Variants in NRG1 observed in about 807,000 individuals in gnomAD.
NRG1 encodes neuregulin 1.
A neutral mutation model predicts 63.8 loss-of-function variants in NRG1; 18 were observed. The ratio of observed to expected loss-of-function variants is 0.28; its 90% CI spans 0.19 to 0.42. The LOEUF (loss-of-function observed/expected upper bound fraction) is 0.42, where lower values mean the gene tolerates loss of function less well. NRG1 is among the 10% of genes least tolerant of loss of function. NRG1 has a pLI of 1.00. For missense variants in NRG1, 762 were observed against 814.7 expected (o/e 0.94, Z 0.79); for synonymous variants, 302 against 301.3 (o/e 1.00, Z -0.02).
intron 1 of NRG1, among the ~76,000 whole-genome samples, chr8:32,557,391 T>C (rs1195877530): frequency 1.3e-5 from 2 of 152,216 alleles, no homozygotes; most frequent in Admixed American, 1.3e-4. Flanking sequence ...CAGGGTGAAA[T>C]GGAAGTACAG....
chr8:32,181,908 T>C (rs1007022028), intron 1 of NRG1, among the ~76,000 whole-genome samples: 26 of 152,216 alleles, frequency 1.7e-4, no homozygotes, highest in Non-Finnish European at 2.9e-4. Context: ...GCTGGGAGAT[T>C]ATAAATAACC....
chr8:32,509,013 G>A (rs761951300), intron 1 of NRG1, among the ~76,000 whole-genome samples: 19 of 152,052 alleles, frequency 1.2e-4, no homozygotes, highest in Non-Finnish European at 2.6e-4. Flanking sequence ...GGGATCACAG[G>A]TATGAGCCAC....
chr8:32,437,861 G>GA (rs1818985376), intron 1 of NRG1, among the ~76,000 whole-genome samples: 1 of 152,000 alleles, frequency 6.6e-6, no homozygotes, highest in Admixed American at 6.6e-5. Flanking sequence ...ATGCCTCTCA[G>GA]CAAAAAGATA....
intron 1 of NRG1, among the ~76,000 whole-genome samples, chr8:32,345,966 C>A (rs1804837185): frequency 6.6e-6 from 1 of 151,310 alleles, no homozygotes. Flanking sequence ...CAAGATGGCA[C>A]CACTGTACTC....
chr8:32,369,593 A>G (rs1563370977), intron 1 of NRG1, among the ~76,000 whole-genome samples: 1 of 152,218 alleles, frequency 6.6e-6, no homozygotes, highest in Non-Finnish European at 1.5e-5. Flanking sequence ...AGGCATCTCA[A>G]GAGAGCAGTG....
intron 1 of NRG1, among the ~76,000 whole-genome samples, chr8:32,183,027 T>A (rs1356315414): frequency 1.3e-5 from 2 of 152,230 alleles, no homozygotes; most frequent in African/African-American, 2.4e-5. Context: ...AAAAGAATTA[T>A]AATTATCAAC....
At chr8:32,518,904 T>G (rs576392755) in intron 1 of NRG1, among the ~76,000 whole-genome samples, 95 of 152,288 alleles carry the variant, frequency 6.2e-4, no homozygotes, top group African/African-American at 2.2e-3. Context: ...TTCAGGAGCA[T>G]TAACTAGTAG....
intron 1 of NRG1, among the ~76,000 whole-genome samples, chr8:32,461,856 C>T (rs1259546578): frequency 1.3e-5 from 2 of 152,106 alleles, no homozygotes; most frequent in African/African-American, 4.8e-5. Flanking sequence ...AATAGAATAG[C>T]CTTAGATATC....
intron 1 of NRG1, among the ~76,000 whole-genome samples, chr8:32,332,625 G>A (rs1802787717): frequency 6.6e-6 from 1 of 152,172 alleles, no homozygotes; most frequent in Admixed American, 6.6e-5. Flanking sequence ...TTCTATGAGA[G>A]CAGTCTATTA....
At chr8:31,653,192 T>A (rs1009777067) in intron 1 of NRG1, among the ~76,000 whole-genome samples, 1 of 152,024 alleles carries the variant, frequency 6.6e-6, no homozygotes, top group Non-Finnish European at 1.5e-5. Flanking sequence ...AAAGTTTCTA[T>A]AATGAATGCA....
intron 1 of NRG1, among the ~76,000 whole-genome samples, chr8:32,178,066 TAGG>T (rs965385936): frequency 6.6e-6 from 1 of 151,696 alleles, no homozygotes; most frequent in Non-Finnish European, 1.5e-5. Flanking sequence ...GGGGGAAGCA[TAGG>T]AGAAGAAATA....
intron 1 of NRG1, among the ~76,000 whole-genome samples, chr8:31,953,505 G>T (rs1803827607): frequency 6.6e-6 from 1 of 152,162 alleles, no homozygotes; most frequent in Non-Finnish European, 1.5e-5. Flanking sequence ...TTATCAAAAT[G>T]TAGACACGAA....
At chr8:32,216,985 G>T (rs1196329380) in intron 1 of NRG1, among the ~76,000 whole-genome samples, 1 of 151,930 alleles carries the variant, frequency 6.6e-6, no homozygotes, top group Admixed American at 6.6e-5. Flanking sequence ...GACCAAGGCG[G>T]GAGGATCTCT....
intron 1 of NRG1, among the ~76,000 whole-genome samples, chr8:32,494,563 C>T (rs1826973034): frequency 6.6e-6 from 1 of 152,006 alleles, no homozygotes. Flanking sequence ...AATTCTGTAG[C>T]AATCAGCCAT....
At chr8:32,407,902 A>G (rs1284146921) in intron 1 of NRG1, among the ~76,000 whole-genome samples, 47 of 152,114 alleles carry the variant, frequency 3.1e-4, no homozygotes, top group Non-Finnish European at 5.9e-5. Flanking sequence ...AACTGATTAA[A>G]CTCTGGTGCA....
intron 1 of NRG1, among the ~76,000 whole-genome samples, chr8:32,144,284 C>G (rs1836625681): frequency 6.6e-6 from 1 of 152,094 alleles, no homozygotes; most frequent in Non-Finnish European, 1.5e-5. Context: ...AATGGTTGAG[C>G]CCAGACGATC....
At chr8:32,156,733 C>T (rs1490155713) in intron 1 of NRG1, among the ~76,000 whole-genome samples, 1 of 152,208 alleles carries the variant, frequency 6.6e-6, no homozygotes, top group Non-Finnish European at 1.5e-5. Flanking sequence ...TGTTCAAGGG[C>T]CCAGGAGTGC....
chr8:32,478,067 GC>G (rs1449048673), intron 1 of NRG1, among the ~76,000 whole-genome samples: 1 of 152,228 alleles, frequency 6.6e-6, no homozygotes, highest in African/African-American at 2.4e-5. Flanking sequence ...CATTGAAATT[GC>G]CTGATCTTTT....
chr8:32,764,270 C>T, exon 12 of NRG1: 1 of 1,614,112 alleles, frequency 6.2e-7, no homozygotes, highest in Non-Finnish European at 8.5e-7. Context: ...CCCTGGCAGC[C>T]AGTCTTGAGG....
Sources: allele counts gnomAD v4.1 joint callset (sites outside exome capture counted in the v4.1 genomes callset), GRCh38; gene constraint gnomAD v4.1.1; transcripts MANE v1.5; gene names NCBI Gene and HGNC (gene_info 2026-07-23, HGNC 2026-07-21).